Variants in RIOX2 observed in about 807,000 individuals in gnomAD.
RIOX2 encodes ribosomal oxygenase 2.
Under a neutral mutation model 51.2 loss-of-function variants are expected in RIOX2, and 43 were observed. The ratio of observed to expected loss-of-function variants is 0.84; its 90% confidence interval spans 0.66 to 1.08. RIOX2 has a LOEUF of 1.08. RIOX2 is among the 50% of genes least tolerant of loss of function. The pLI, the probability that RIOX2 is intolerant of heterozygous loss-of-function variation, is 0.00. For synonymous variants in RIOX2, 226 were observed against 218.5 expected (o/e 1.03, Z -0.30); for missense variants, 566 against 561.7 (o/e 1.01, Z -0.08).
At chr3:97,951,492 A>C (rs1705248959) in intron 5 of RIOX2, among the ~76,000 whole-genome samples, 1 of 152,188 alleles carries the variant, frequency 6.6e-6, no homozygotes, top group African/African-American at 2.4e-5. Context: ...AATAACATCT[A>C]GGGACAAATA....
Position 97,959,123 on chromosome 3 carries a change from C to T in RIOX2, c.609G>A (p.Val203=), listed in dbSNP as rs1026683721. ...EKHWRLYHPT[V]PLAREYSVEA... is the part of the protein sequence containing the mutation. ...CCACGCTGTACTCTCGTGCCAGGGG[C>T]ACAGTGGGGTGGTAGAGGCGCCAGT... Residue 203 remains valine, a synonymous_variant, in exon 4 of 10, where the codon GTG becomes GTA. Transcript: ENST00000394198. The T allele has an allele frequency of 1.9e-6, 3 of 1,614,002 alleles. No homozygotes were observed. The highest frequency in any genetic ancestry group is 2.5e-6 in the Non-Finnish European group (3 of 1,179,976).
At chr3:97,965,707 G>C (rs1007686038) in intron 2 of RIOX2, among the ~76,000 whole-genome samples, 1 of 152,144 alleles carries the variant, frequency 6.6e-6, no homozygotes, top group African/African-American at 2.4e-5. Context: ...CCCTGCGGGG[G>C]ATGATTCTAA....
Position 97,964,599 on chromosome 3 carries a change from AG to A in RIOX2, c.432+2562del, listed in dbSNP as rs564156805. Among the ~76,000 whole-genome samples, 47 of 149,928 alleles carry A rather than the reference AG, an allele frequency of 3.1e-4. No homozygotes were observed. The East Asian group carries it at 8.8e-3, about 28-fold the overall frequency. ...TAATCCCAGCTACTCAGGAGGTCCA[AG>A]GCAGGAGAATTGCTTGAACCCAGGA... On this transcript the variant is annotated intron_variant, in intron 2 of 9. Coordinates refer to ENST00000394198, the MANE Select transcript of RIOX2 (RefSeq NM_153182.4).
chr3:97,953,584 T>C (rs1040903969), intron 5 of RIOX2, among the ~76,000 whole-genome samples: 3 of 152,096 alleles, frequency 2.0e-5, no homozygotes, highest in Non-Finnish European at 4.4e-5. Flanking sequence ...GGTTTCACCA[T>C]GTTGGCCAGG....
At chr3:97,967,054 G>T in intron 2 of RIOX2, 108 bp downstream of exon 2, 2 of 1,175,992 alleles carry the variant, frequency 1.7e-6, no homozygotes, top group Non-Finnish European at 1.2e-6. Flanking sequence ...TCTCAAACTG[G>T]CAAGAGACTA....
chr3:97,961,616 G>T lies in RIOX2; in HGVS notation c.525C>A (p.Gly175=), dbSNP rs755566859. ...NVYITPAGSQ[G]LPPHYDDVEV... is the part of the protein sequence containing the mutation. ...CGACATCATCATAATGGGGCGGCAG[G>T]CCCTGAGATCCTGCGGGAGTTATGT... The change falls in exon 3 of 10, where the codon GGC becomes GGA. Residue 175 remains glycine, a synonymous_variant. Coordinates refer to ENST00000394198, the MANE Select transcript of RIOX2 (RefSeq NM_153182.4). 5.0e-6 allele frequency: 8 copies of T among 1,606,268 alleles called. No homozygotes were observed. The African/African-American group carries it at 1.1e-4, about 22-fold the overall frequency.
Position 97,945,112 on chromosome 3 carries a change from C to T in RIOX2, c.*72G>A, listed in dbSNP as rs1235830670. 5 of 1,372,338 alleles carry T rather than the reference C, an allele frequency of 3.6e-6. No individual in the cohort carries two copies. The East Asian group carries it at 7.3e-5, about 20-fold the overall frequency. 85.0% of individuals were successfully genotyped at this position (1,372,338 alleles called of 1,614,324 possible). A position where few individuals can be genotyped will look rare whatever the true frequency, so the allele number is the denominator to read the frequency against. On this transcript the variant is annotated 3_prime_UTR_variant, in exon 10 of 10. Transcript: ENST00000394198. ...GTAAGGAAACTTGAATTCATCCTCT[C>T]CTCGGCTCAGGTCTTTGCTTTTCTT... is the stretch of plus-strand genomic sequence containing the variant.
intron 8 of RIOX2, 93 bp from the exon 9 acceptor site, chr3:97,945,980 A>T: frequency 1.2e-6 from 1 of 819,280 alleles, no homozygotes. Flanking sequence ...AACACCAAAA[A>T]AAATTTCAAA....
chr3:97,947,452 A>G lies in RIOX2; in HGVS notation c.1061-3T>C. On this transcript the variant is annotated splice_region_variant and splice_polypyrimidine_tract_variant and intron_variant, in intron 7 of 9. Coordinates refer to ENST00000394198, the MANE Select transcript of RIOX2 (RefSeq NM_153182.4). ...GTCCAGCCTCGGTAACTTTCCACCT[A>G]GAAAACCCCAAAGAGAGAAAGCCGA... The G allele has an allele frequency of 6.2e-7, 1 of 1,612,580 alleles. No homozygotes were observed.
chr3:97,959,715 T>A (rs1413223101), intron 3 of RIOX2, among the ~76,000 whole-genome samples: 1 of 152,064 alleles, frequency 6.6e-6, no homozygotes, highest in Non-Finnish European at 1.5e-5. Context: ...TTGAAAAACA[T>A]GAAAAATATC....
At position 97,942,811 on chromosome 3, in the gene RIOX2, G is replaced by T. The variant is rs577544691; in HGVS notation, c.*2373C>A. On this transcript the variant is annotated 3_prime_UTR_variant, in exon 10 of 10. Coordinates refer to ENST00000394198, the MANE Select transcript of RIOX2 (RefSeq NM_153182.4). ...TAAAAACCCTCAGGTAGAATTTATGGTAGGTATCAATTAACCTTGTTTTTG... is the reference window on the plus strand; with the variant it reads ...TAAAAACCCTCAGGTAGAATTTATGTTAGGTATCAATTAACCTTGTTTTTG... 2.3e-5 allele frequency: 5 copies of T among 215,456 alleles called. No individual in the cohort carries two copies. Among genetic ancestry groups the T allele is most frequent in the Non-Finnish European group, 4.5e-5 (5 of 111,422 alleles). 13.3% of individuals were successfully genotyped at this position (215,456 alleles called of 1,614,324 possible).
intron 5 of RIOX2, 87 bp downstream of exon 5, chr3:97,954,305 A>G: frequency 1.1e-6 from 1 of 946,842 alleles, no homozygotes; most frequent in Non-Finnish European, 1.7e-6. Flanking sequence ...GGTAGGGGCC[A>G]ACTCCCTCAT....
At chr3:97,961,462 C>T in intron 3 of RIOX2, 127 bp downstream of exon 3, 1 of 1,015,482 alleles carries the variant, frequency 9.8e-7, no homozygotes, top group South Asian at 2.9e-5. Context: ...TCAGAAACTG[C>T]ACAGAAAGAG....
intron 4 of RIOX2, among the ~76,000 whole-genome samples, chr3:97,954,997 T>G (rs1705399500): frequency 6.6e-6 from 1 of 152,190 alleles, no homozygotes; most frequent in Non-Finnish European, 1.5e-5. Context: ...AGGATTATTT[T>G]GAGGATTAGA....
chr3:97,951,065 TCAACCACC>T, intron 5 of RIOX2, 177 bp from the exon 6 acceptor site: 1 of 560,702 alleles, frequency 1.8e-6, no homozygotes, highest in Non-Finnish European at 3.2e-6. Context: ...AAGACCTTCA[TCAACCACC>T]CTGTTTCCTC....
rs557340448 is a variant in RIOX2 at position 97,944,453 on chromosome 3, T to A, written c.*731A>T. The A allele has an allele frequency of 6.6e-6, 1 of 152,508 alleles. No homozygotes were observed. Among genetic ancestry groups the A allele is most frequent in the South Asian group, 2.1e-4 (1 of 4,824 alleles). The allele number at this position is 152,508 out of a possible 1,614,324, so 9.4% of individuals were successfully genotyped here. ...AGAAAGCAGAAAAATGCTCTATTTT[T>A]ATAAAGAAAGATTAAATTCTCCAAT... On this transcript the variant is annotated 3_prime_UTR_variant, in exon 10 of 10. Coordinates refer to ENST00000394198, the MANE Select transcript of RIOX2 (RefSeq NM_153182.4).
intron 4 of RIOX2, among the ~76,000 whole-genome samples, chr3:97,957,524 C>G (rs1705496163): frequency 6.7e-6 from 1 of 149,816 alleles, no homozygotes; most frequent in Non-Finnish European, 1.5e-5. Flanking sequence ...ATGACATGCA[C>G]ATACACATAC....
At chr3:97,957,176 G>A (rs761822083) in intron 4 of RIOX2, among the ~76,000 whole-genome samples, 1 of 152,162 alleles carries the variant, frequency 6.6e-6, no homozygotes, top group Non-Finnish European at 1.5e-5. Flanking sequence ...TTGACACAAG[G>A]TTTCGCCTGA....
intron 1 of RIOX2, among the ~76,000 whole-genome samples, chr3:97,968,628 A>G (rs1297119058): frequency 2.0e-5 from 3 of 152,162 alleles, no homozygotes; most frequent in African/African-American, 7.2e-5. Context: ...CCAAACCACA[A>G]CTATTGATAC....
Sources: gnomAD v4.1 joint callset for allele counts (sites outside exome capture counted in the v4.1 genomes callset) on GRCh38, gnomAD v4.1.1 for gene constraint, MANE v1.5 for transcripts, NCBI Gene and HGNC (gene_info 2026-07-23, HGNC 2026-07-21) for gene names.